The following MEGF6 variants were observed in gnomAD, a reference collection of about 807,000 sequenced individuals.
MEGF6 encodes multiple epidermal growth factor-like domains protein 6.
In MEGF6, 184 loss-of-function variants were observed where a neutral mutation model predicts 207.1. The ratio of observed to expected loss-of-function variants is 0.89; its 90% confidence interval spans 0.79 to 1.00. MEGF6 has a LOEUF of 1.00. Among genes scored for constraint, MEGF6 ranks in the 50% least tolerant of loss-of-function variants. The pLI is 0.00. For synonymous variants in MEGF6, 1,038 were observed against 910.0 expected, an observed-to-expected ratio of 1.14 and a Z score of -2.53; for missense variants, 2,282 against 2,202.9, an observed-to-expected ratio of 1.04 and a Z score of -0.72.
intron 3 of MEGF6, among the ~76,000 whole-genome samples, chr1:3,584,281 CTG>C (rs1368074149): frequency 6.6e-6 from 1 of 152,222 alleles, no homozygotes; most frequent in Non-Finnish European, 1.5e-5. Context: ...ATCGGGTTAA[CTG>C]TGGAAAGGGG....
intron 3 of MEGF6, among the ~76,000 whole-genome samples, chr1:3,592,521 G>A (rs2101831701): frequency 6.6e-6 from 1 of 152,226 alleles, no homozygotes; most frequent in South Asian, 2.1e-4. Context: ...GCTCCACATG[G>A]GCAAGCACCC....
chr1:3,515,373 G>T (rs1156615570), intron 6 of MEGF6, 29 bp downstream of exon 6: 1 of 1,596,100 alleles, frequency 6.3e-7, no homozygotes, highest in East Asian at 2.3e-5. Flanking sequence ...CCACCCCCAG[G>T]TCCTCCCTCC....
Position 3,509,075 on chromosome 1 carries a change from C to G in MEGF6, c.1528G>C (p.Val510Leu). ...RGEHTLTEKFVCLDDSFGHDC... is the reference protein window; with the variant it reads ...RGEHTLTEKFLCLDDSFGHDC... ...CCCCGGGGGCTGGGCCCGCGCTCACCAAACTTCTCTGTGAGCGTGTGTTCG... is the reference window on the plus strand; with the variant it reads ...CCCCGGGGGCTGGGCCCGCGCTCACGAAACTTCTCTGTGAGCGTGTGTTCG... Residue 510 changes from valine (V) to leucine (L), a missense_variant and splice_region_variant, in exon 12 of 37, where the codon GTC becomes CTC. Coordinates refer to ENST00000356575, the MANE Select transcript of MEGF6 (RefSeq NM_001409.4). The G allele has an allele frequency of 6.3e-7, 1 of 1,587,560 alleles. No homozygotes were observed. The highest frequency in any genetic ancestry group is 1.1e-5 in the South Asian group (1 of 87,514).
In MEGF6 at chr1:3,587,243, C is replaced by T. The variant is rs139325901; in HGVS notation, c.377-7314G>A. Among the ~76,000 whole-genome samples the T allele has an allele frequency of 2.2e-4, 33 of 152,358 alleles. 1 individual carries two copies. The highest frequency in any genetic ancestry group is 7.5e-4 in the African/African-American group (31 of 41,586). On this transcript the variant is annotated intron_variant, in intron 3 of 36. Coordinates refer to ENST00000356575, the MANE Select transcript of MEGF6 (RefSeq NM_001409.4). ...GAGGACTCCGCGGTCATAACACCAG[C>T]GGGCCTTCAGCTGCTGGAAAGGGCT... is the stretch of plus-strand genomic sequence containing the variant.
At chr1:3,536,227 AC>A (rs1015414154) in intron 4 of MEGF6, among the ~76,000 whole-genome samples, 9 of 151,486 alleles carry the variant, frequency 5.9e-5, no homozygotes, top group African/African-American at 2.2e-4. Context: ...CCTAGGCTGG[AC>A]CCCCCTACCC....
rs865833922 is a variant in MEGF6, at chr1:3,496,727, C to G, written c.3670G>C (p.Gly1224Arg). Reference protein sequence around the residue: ...GCEQLCGCLNGGSCDAATGAC... With the variant: ...GCEQLCGCLNRGSCDAATGAC... ...CCCGTGGCCGCATCACAGGAGCCCC[C>G]GTTGAGACACCCACACAGCTGTTCA... The change falls in exon 29 of 37, where the codon GGG becomes CGG. Residue 1224 changes from glycine (G) to arginine (R), a missense_variant. Transcript: ENST00000356575. 6.4e-7 allele frequency: 1 copy of G among 1,559,868 alleles called. No individual in the cohort carries two copies.
At position 3,505,253 on chromosome 1, in the gene MEGF6, C is replaced by G. The variant is rs1417465261; in HGVS notation, c.2143G>C (p.Gly715Arg). 1 of 1,612,404 alleles carries G rather than the reference C, an allele frequency of 6.2e-7. No individual in the cohort carries two copies. Among genetic ancestry groups the G allele is most frequent in the Non-Finnish European group, 8.5e-7 (1 of 1,179,876 alleles). ...VACDSVSGEC[G>R]KRCPAGFQGE... ...TGGAAGCCAGCAGGACACCGCTTCCCACACTCGCCGCTCACGGAGTCACAG... is the reference window on the plus strand; with the variant it reads ...TGGAAGCCAGCAGGACACCGCTTCCGACACTCGCCGCTCACGGAGTCACAG... Residue 715 changes from glycine to arginine, a missense_variant, in exon 17 of 37, where the codon GGG becomes CGG. Coordinates refer to ENST00000356575, the MANE Select transcript of MEGF6 (RefSeq NM_001409.4).
intron 3 of MEGF6, among the ~76,000 whole-genome samples, chr1:3,581,297 C>A (rs1277618268): frequency 6.6e-6 from 1 of 152,102 alleles, no homozygotes; most frequent in Non-Finnish European, 1.5e-5. Flanking sequence ...CTACCATTGC[C>A]CCAGGCATGG....
At chr1:3,544,447 G>A (rs1642639602) in intron 4 of MEGF6, among the ~76,000 whole-genome samples, 2 of 152,136 alleles carry the variant, frequency 1.3e-5, no homozygotes, top group African/African-American at 2.4e-5. Context: ...GGGCCTCTCC[G>A]TTGGCTTCCC....
At chr1:3,566,091 G>T (rs549778444) in intron 4 of MEGF6, among the ~76,000 whole-genome samples, 1 of 152,182 alleles carries the variant, frequency 6.6e-6, no homozygotes, top group Non-Finnish European at 1.5e-5. Flanking sequence ...GGCCAGCACC[G>T]GCTGGAGACT....
At position 3,500,718 on chromosome 1, in the gene MEGF6, G is replaced by A. The variant is rs769752757; in HGVS notation, c.2622C>T (p.Asn874=). ...HWGPDCSHPC[N]CSAGHGSCDA... is the part of the protein sequence containing the mutation. ...CACAGCTCCCGTGGCCAGCGCTGCA[G>A]TTGCAGGGGTGGCTGCAGTCAGGTC... Residue 874 remains asparagine (N), a synonymous_variant, in exon 21 of 37, where the codon AAC becomes AAT. Transcript: ENST00000356575. 94 of 1,597,264 alleles carry A rather than the reference G, an allele frequency of 5.9e-5. 1 individual carries two copies. The highest frequency in any genetic ancestry group is 1.7e-4 in the Middle Eastern group (1 of 6,040).
At chr1:3,531,460 C>T (rs937450656) in intron 4 of MEGF6, 4 of 1,094,916 alleles carry the variant, frequency 3.7e-6, no homozygotes, top group Non-Finnish European at 4.4e-6. Flanking sequence ...GCTTTCCCTC[C>T]GCCCCGCAGG....
In MEGF6 at chr1:3,594,168, C is replaced by T. The variant is rs1316864339; in HGVS notation, c.376+1170G>A. Among the ~76,000 whole-genome samples, 1 of 152,228 alleles carries T rather than the reference C, an allele frequency of 6.6e-6. No individual in the cohort carries two copies. The highest frequency in any genetic ancestry group is 2.4e-5 in the African/African-American group (1 of 41,448). On this transcript the variant is annotated intron_variant, in intron 3 of 36. Coordinates refer to ENST00000356575, the MANE Select transcript of MEGF6 (RefSeq NM_001409.4). This position sits in a 1 kb window ranked among gnomAD's most constrained non-coding sequence, Gnocchi z 4.2. ...TGCTGGCGGGACATGGTGGCTCACA[C>T]CTGTAATCCCAGCACTTTGGAAGGC...
chr1:3,526,081 G>A (rs1641951279), intron 4 of MEGF6, among the ~76,000 whole-genome samples: 1 of 152,208 alleles, frequency 6.6e-6, no homozygotes, highest in Admixed American at 6.5e-5. Flanking sequence ...GACAGACGGA[G>A]CTGTGCAGCC....
chr1:3,598,200 C>T (rs942110319), intron 2 of MEGF6, among the ~76,000 whole-genome samples: 58 of 152,190 alleles, frequency 3.8e-4, no homozygotes, highest in African/African-American at 1.2e-3. Flanking sequence ...CCAAGGCAGC[C>T]GGGCTGCCGT....
chr1:3,602,405 T>C (rs552899690), intron 2 of MEGF6, 61 bp downstream of exon 2: 11 of 1,608,442 alleles, frequency 6.8e-6, no homozygotes, highest in Middle Eastern at 1.7e-4. Flanking sequence ...AGCTCCCGGG[T>C]GGTCAGTGCC....
At chr1:3,510,701 A>G (rs1641309695) in intron 10 of MEGF6, 82 bp downstream of exon 10, 10 of 1,500,808 alleles carry the variant, frequency 6.7e-6, no homozygotes, top group Non-Finnish European at 8.9e-6. Flanking sequence ...CCATGGGGGT[A>G]CCAGAGCCAG....
chr1:3,543,617 C>T (rs537757334), intron 4 of MEGF6, among the ~76,000 whole-genome samples: 2 of 152,358 alleles, frequency 1.3e-5, no homozygotes, highest in South Asian at 2.1e-4. Flanking sequence ...GAGGAAGCGT[C>T]GGCACTGCTG....
intron 34 of MEGF6, 136 bp from the exon 35 acceptor site, chr1:3,492,903 G>A (rs1466732948): frequency 7.9e-7 from 1 of 1,264,708 alleles, no homozygotes; most frequent in African/African-American, 1.5e-5. Flanking sequence ...CGGGAGCTAA[G>A]ACCTTGGGCC....
Sources: allele counts gnomAD v4.1 joint callset (sites outside exome capture counted in the v4.1 genomes callset), GRCh38; gene constraint gnomAD v4.1.1; non-coding constraint Gnocchi (gnomAD v3.1); transcripts MANE v1.5; gene names NCBI Gene and HGNC (gene_info 2026-07-23, HGNC 2026-07-21).